The following CNTNAP4 variants were observed in gnomAD, a reference collection of about 807,000 sequenced individuals.
CNTNAP4 encodes contactin-associated protein-like 4.
A neutral mutation model predicts 148.4 loss-of-function variants in CNTNAP4; 98 were observed. That is an observed-to-expected ratio of 0.66 (90% CI 0.56 to 0.78). The LOEUF (loss-of-function observed/expected upper bound fraction) is 0.78, where lower values mean the gene tolerates loss of function less well. Among genes scored for constraint, CNTNAP4 ranks in the 30% least tolerant of loss-of-function variants. The probability of loss-of-function intolerance (pLI) is 0.00; values close to 1 mark genes in which losing one functional copy is unlikely to be tolerated. For synonymous variants in CNTNAP4, 730 were observed against 565.1 expected (o/e 1.29, Z -4.14); for missense variants, 1,935 against 1,565.6 (o/e 1.24, Z -3.98).
At chr16:76,496,245 C>CA (rs577313297) in intron 14 of CNTNAP4, among the ~76,000 whole-genome samples, 2 of 151,644 alleles carry the variant, frequency 1.3e-5, no homozygotes, top group Non-Finnish European at 3.0e-5. Flanking sequence ...ACTACTTTCA[C>CA]AAAAAAATAC....
chr16:76,489,142 T>C (rs1597711325), intron 12 of CNTNAP4, among the ~76,000 whole-genome samples: 1 of 152,306 alleles, frequency 6.6e-6, no homozygotes, highest in Non-Finnish European at 1.5e-5. Flanking sequence ...ACTTTATTTT[T>C]GCTGATACCA....
chr16:76,372,482 G>C (rs58757294), intron 3 of CNTNAP4, among the ~76,000 whole-genome samples: 4,922 of 152,064 alleles, frequency 0.032, 262 homozygotes, highest in African/African-American at 0.11. Flanking sequence ...GTTGTAGCTC[G>C]CATGATTTCC....
chr16:76,460,773 A>AAAAAAAAAAAT, intron 8 of CNTNAP4, among the ~76,000 whole-genome samples: 4 of 57,322 alleles, frequency 7.0e-5, no homozygotes, highest in African/African-American at 1.3e-4. Flanking sequence ...AAAAAAAAAA[A>AAAAAAAAAAAT]ATATATATAT....
At chr16:76,541,723 A>C (rs906458601) in intron 21 of CNTNAP4, among the ~76,000 whole-genome samples, 10 of 152,178 alleles carry the variant, frequency 6.6e-5, no homozygotes, top group Non-Finnish European at 1.5e-4. Flanking sequence ...TTGGCCCCTG[A>C]GGTTAATAGT....
intron 1 of CNTNAP4, among the ~76,000 whole-genome samples, chr16:76,284,735 T>C (rs1005126272): frequency 6.6e-6 from 1 of 152,036 alleles, no homozygotes; most frequent in Non-Finnish European, 1.5e-5. Context: ...TGTGATTGTC[T>C]GTGTATTGCA....
intron 7 of CNTNAP4, among the ~76,000 whole-genome samples, chr16:76,450,577 C>G (rs1474578867): frequency 6.6e-6 from 1 of 152,170 alleles, no homozygotes; most frequent in Non-Finnish European, 1.5e-5. Context: ...TTGCCATAGT[C>G]ATTCATGATA....
chr16:76,367,900 A>G (rs2014349895), intron 3 of CNTNAP4, among the ~76,000 whole-genome samples: 1 of 152,190 alleles, frequency 6.6e-6, no homozygotes, highest in African/African-American at 2.4e-5. Context: ...GTATCTTATC[A>G]GTCCTAGGCT....
intron 8 of CNTNAP4, among the ~76,000 whole-genome samples, chr16:76,459,086 T>C (rs2080840829): frequency 6.6e-6 from 1 of 152,126 alleles, no homozygotes; most frequent in South Asian, 2.1e-4. Context: ...CAGTGGAAAG[T>C]CTAAAATGAA....
At chr16:76,338,942 C>T (rs1294239702) in intron 2 of CNTNAP4, among the ~76,000 whole-genome samples, 1 of 152,124 alleles carries the variant, frequency 6.6e-6, no homozygotes, top group Non-Finnish European at 1.5e-5. Flanking sequence ...GAGTCATTCC[C>T]AGCATTTCTT....
intron 2 of CNTNAP4, among the ~76,000 whole-genome samples, chr16:76,333,966 G>A (rs1439504316): frequency 2.0e-5 from 3 of 151,534 alleles, no homozygotes; most frequent in African/African-American, 2.4e-5. Flanking sequence ...GGTGTGAGAT[G>A]GTATCTCATT....
chr16:76,352,654 C>G (rs1263320627), intron 2 of CNTNAP4, among the ~76,000 whole-genome samples: 1 of 152,072 alleles, frequency 6.6e-6, no homozygotes, highest in Non-Finnish European at 1.5e-5. Context: ...ACACAAAGGA[C>G]TCCCTTGCTC....
At chr16:76,385,253 T>C (rs1222492192) in intron 3 of CNTNAP4, among the ~76,000 whole-genome samples, 1 of 152,232 alleles carries the variant, frequency 6.6e-6, no homozygotes, top group East Asian at 1.9e-4. Context: ...CTGACAGTTA[T>C]GTTTTATAAA....
rs148023038 is a variant in CNTNAP4, at chr16:76,534,458, A to C, written c.2756-1087A>C. ...GATGGAGCTTCTTTTTAGAGGCCTC[A>C]TAACCATCTAATTGCCTCTCAATAG... On this transcript the variant is annotated intron_variant, in intron 17 of 23. Transcript: ENST00000611870. Among the ~76,000 whole-genome samples the C allele has an allele frequency of 2.6e-3, 397 of 152,336 alleles. 3 individuals carry two copies. The highest frequency in any genetic ancestry group is 9.1e-3 in the African/African-American group (380 of 41,584).
At chr16:76,353,713 T>A (rs1304433669) in intron 2 of CNTNAP4, among the ~76,000 whole-genome samples, 1 of 152,132 alleles carries the variant, frequency 6.6e-6, no homozygotes, top group Non-Finnish European at 1.5e-5. Flanking sequence ...TATGCTGTCC[T>A]CTGGTGCATC....
intron 21 of CNTNAP4, among the ~76,000 whole-genome samples, chr16:76,545,843 C>G (rs773770056): frequency 6.6e-6 from 1 of 152,098 alleles, no homozygotes. Context: ...TGAGATCATC[C>G]TGGCTAACAC....
At chr16:76,323,146 A>T (rs1423608564) in intron 2 of CNTNAP4, among the ~76,000 whole-genome samples, 3 of 152,110 alleles carry the variant, frequency 2.0e-5, no homozygotes, top group Non-Finnish European at 4.4e-5. Flanking sequence ...TGTATCTGGC[A>T]ATATTCCTGA....
At chr16:76,510,841 A>T (rs1280763232) in intron 15 of CNTNAP4, among the ~76,000 whole-genome samples, 1 of 152,108 alleles carries the variant, frequency 6.6e-6, no homozygotes, top group South Asian at 2.1e-4. Flanking sequence ...TCTCTCAGGA[A>T]TCTATGGACA....
At chr16:76,474,978 C>A (rs1308449543) in intron 10 of CNTNAP4, among the ~76,000 whole-genome samples, 2 of 152,084 alleles carry the variant, frequency 1.3e-5, no homozygotes, top group African/African-American at 4.8e-5. Flanking sequence ...AACACGGCAC[C>A]GTTTCTCAAG....
rs571997368 is a variant in CNTNAP4, at chr16:76,298,267, C to T, written c.86-18146C>T. Among the ~76,000 whole-genome samples, 8 of 152,236 alleles carry T rather than the reference C, an allele frequency of 5.3e-5. No individual in the cohort carries two copies. In the South Asian group the frequency reaches 1.0e-3, roughly 20 times the overall value. On this transcript the variant is annotated intron_variant, in intron 1 of 23. Coordinates refer to ENST00000611870, the MANE Select transcript of CNTNAP4 (RefSeq NM_033401.5). ...TTCCAAGCTGATAATCTCAGTGAACCTGAATAGAACTGTGTGTTTAATCAA... is the reference window on the plus strand; with the variant it reads ...TTCCAAGCTGATAATCTCAGTGAACTTGAATAGAACTGTGTGTTTAATCAA...
Sources: gnomAD v4.1 joint callset for allele counts (sites outside exome capture counted in the v4.1 genomes callset) on GRCh38, gnomAD v4.1.1 for gene constraint, MANE v1.5 for transcripts, NCBI Gene and HGNC (gene_info 2026-07-23, HGNC 2026-07-21) for gene names.